TMEM131: variants seen among roughly 807,000 people sequenced by gnomAD.
TMEM131 encodes the protein transmembrane protein 131.
Under a neutral mutation model 211.6 loss-of-function variants are expected in TMEM131, and 66 were observed. That is an observed-to-expected ratio of 0.31 (90% CI 0.26 to 0.38). The LOEUF (loss-of-function observed/expected upper bound fraction) is 0.38. Ranked by LOEUF, TMEM131 falls within the 10% of genes least tolerant of loss-of-function variation. TMEM131 has a pLI of 1.00. For synonymous variants in TMEM131, 844 were observed against 841.3 expected (o/e 1.00, Z -0.06); for missense variants, 2,036 against 2,299.3 (o/e 0.89, Z 2.34).
intron 32 of TMEM131, among the ~76,000 whole-genome samples, chr2:97,775,228 CTGTGA>C (rs1679664007): frequency 1.3e-5 from 2 of 152,198 alleles, no homozygotes; most frequent in Non-Finnish European, 2.9e-5. Flanking sequence ...GCTCTTCCTG[CTGTGA>C]TAACAGCCCT....
rs766467482 is a variant in TMEM131, at chr2:97,811,247, A to C, written c.1864-15T>G. Reference sequence around the variant, plus strand: ...GCTAATGTTACCTGTAGATAGTAGAAATGGTATCATTCATTAGCCTTGTTA... The same window carrying C: ...GCTAATGTTACCTGTAGATAGTAGACATGGTATCATTCATTAGCCTTGTTA... On this transcript the variant is annotated splice_polypyrimidine_tract_variant and intron_variant, in intron 17 of 40. Coordinates refer to ENST00000186436, the MANE Select transcript of TMEM131 (RefSeq NM_015348.2). The C allele has an allele frequency of 1.3e-6, 2 of 1,593,414 alleles. No homozygotes were observed. The highest frequency in any genetic ancestry group is 1.7e-6 in the Non-Finnish European group (2 of 1,161,570).
rs70938545 is a variant in TMEM131 at position 97,943,031 on chromosome 2, GA to G, written c.188-15545del. ...AGAAAGAAAAGAAAAGAAAAGAAAA[GA>G]AAAGAAAAGAAAGAAAGAAAGAAAG... On this transcript the variant is annotated intron_variant, in intron 1 of 40. Transcript: ENST00000186436. Among the ~76,000 whole-genome samples the G allele has an allele frequency of 8.8e-3, 386 of 43,634 alleles. 1 individual carries two copies. The highest frequency in any genetic ancestry group is 0.013 in the East Asian group (20 of 1,576). The allele number at this position is 43,634 out of a possible 152,430, so 28.6% of individuals were successfully genotyped here.
intron 10 of TMEM131, among the ~76,000 whole-genome samples, chr2:97,833,960 G>GC (rs1559389007): frequency 6.6e-6 from 1 of 152,036 alleles, no homozygotes; most frequent in Non-Finnish European, 1.5e-5. Flanking sequence ...ATCATGCCCA[G>GC]CCCCCCAAAT....
chr2:97,944,888 A>G (rs1649667252), intron 1 of TMEM131, among the ~76,000 whole-genome samples: 1 of 152,208 alleles, frequency 6.6e-6, no homozygotes, highest in South Asian at 2.1e-4. Context: ...GCCACACTGG[A>G]AAACAGTTGG....
At position 97,762,119 on chromosome 2, in the gene TMEM131, G is replaced by GGTGTC; in HGVS notation, c.4800_4804dup (p.Pro1602ArgfsTer35). The GGTGTC allele has an allele frequency of 6.2e-7, 1 of 1,613,584 alleles. No homozygotes were observed. The highest frequency in any genetic ancestry group is 8.5e-7 in the Non-Finnish European group (1 of 1,179,678). On this transcript the variant is annotated frameshift_variant, in exon 36 of 41. Transcript: ENST00000186436. LOFTEE classifies it high-confidence loss of function. ...GGCAGCTGGGGGAGACGGGGAAGCA[G>GGTGTC]GTGTCGGTGAGGTCTGGCGTTGTTT...
At chr2:97,830,553 A>G (rs1682629021) in intron 11 of TMEM131, among the ~76,000 whole-genome samples, 1 of 152,188 alleles carries the variant, frequency 6.6e-6, no homozygotes. Context: ...AGCATTTAAC[A>G]TTGTATTTCT....
At chr2:97,900,744 C>G (rs1675820140) in intron 3 of TMEM131, among the ~76,000 whole-genome samples, 1 of 152,100 alleles carries the variant, frequency 6.6e-6, no homozygotes. Context: ...TATGAATTTG[C>G]TGGATCACAT....
chr2:97,979,846 C>T (rs944693761), intron 1 of TMEM131, among the ~76,000 whole-genome samples: 3 of 152,152 alleles, frequency 2.0e-5, no homozygotes, highest in Non-Finnish European at 2.9e-5. Context: ...CTGTTTGGTA[C>T]GAGAGGCCTA....
intron 1 of TMEM131, among the ~76,000 whole-genome samples, chr2:97,949,226 A>G (rs938326799): frequency 1.3e-5 from 2 of 152,240 alleles, no homozygotes; most frequent in African/African-American, 4.8e-5. Flanking sequence ...AAATCTAAAA[A>G]TAATCATGCT....
chr2:97,813,874 T>C (rs1681686470), intron 15 of TMEM131, 97 bp downstream of exon 15: 2 of 1,011,708 alleles, frequency 2.0e-6, no homozygotes, highest in Non-Finnish European at 1.4e-6. Flanking sequence ...AGAGCACAAA[T>C]AATGGCAAAC....
At chr2:97,857,704 G>C (rs910542581) in intron 5 of TMEM131, among the ~76,000 whole-genome samples, 9 of 152,094 alleles carry the variant, frequency 5.9e-5, no homozygotes, top group African/African-American at 1.7e-4. Flanking sequence ...GCCACTCACT[G>C]AAGTGTAATA....
intron 11 of TMEM131, among the ~76,000 whole-genome samples, chr2:97,823,617 C>CCA (rs2105017455): frequency 6.6e-6 from 1 of 152,180 alleles, no homozygotes; most frequent in East Asian, 1.9e-4. Flanking sequence ...GTATGGATGC[C>CCA]CACTGGGATC....
chr2:97,781,064 A>G (rs1355602515), intron 31 of TMEM131, among the ~76,000 whole-genome samples: 1 of 152,108 alleles, frequency 6.6e-6, no homozygotes, highest in Non-Finnish European at 1.5e-5. Flanking sequence ...AGGTCATGCA[A>G]TCATTCGGGT....
chr2:97,772,194 TA>T, intron 33 of TMEM131, 102 bp downstream of exon 33: 1 of 1,470,678 alleles, frequency 6.8e-7, no homozygotes. Context: ...TCAACTCCCC[TA>T]AAAGCCAACC....
At chr2:97,964,077 C>T (rs1260937561) in intron 1 of TMEM131, among the ~76,000 whole-genome samples, 1 of 152,174 alleles carries the variant, frequency 6.6e-6, no homozygotes, top group Non-Finnish European at 1.5e-5. Context: ...ATCAAGCATT[C>T]ACATTCCTGA....
chr2:97,778,628 T>C (rs1180165000), intron 31 of TMEM131, among the ~76,000 whole-genome samples: 1 of 152,212 alleles, frequency 6.6e-6, no homozygotes, highest in African/African-American at 2.4e-5. Flanking sequence ...TAACTCAATA[T>C]GCAGTCCTTC....
rs1253720067 is a variant in TMEM131, at chr2:97,933,651, AC to A, written c.188-6165del. Among the ~76,000 whole-genome samples the A allele has an allele frequency of 2.6e-5, 4 of 152,218 alleles. No individual in the cohort carries two copies. The East Asian group carries it at 7.7e-4, about 29-fold the overall frequency. Reference sequence around the variant, plus strand: ...AAAACTACAAAACTCATTAACTTAGACAAAAAAAAAATTACAAATTGAACCC... The same window carrying A: ...AAAACTACAAAACTCATTAACTTAGAAAAAAAAAAATTACAAATTGAACCC... On this transcript the variant is annotated intron_variant, in intron 1 of 40. Coordinates refer to ENST00000186436, the MANE Select transcript of TMEM131 (RefSeq NM_015348.2).
At chr2:97,809,157 GA>G (rs902221272) in intron 19 of TMEM131, among the ~76,000 whole-genome samples, 1 of 152,288 alleles carries the variant, frequency 6.6e-6, no homozygotes, top group African/African-American at 2.4e-5. Flanking sequence ...ATATTCCCAT[GA>G]ACTTAAGTGC....
At chr2:97,815,160 A>T in intron 13 of TMEM131, 39 bp downstream of exon 13, 1 of 1,130,532 alleles carries the variant, frequency 8.8e-7, no homozygotes, top group Non-Finnish European at 1.2e-6. Flanking sequence ...TTTACTGATT[A>T]GTAAAAAGTA....
Sources: allele counts gnomAD v4.1 joint callset (sites outside exome capture counted in the v4.1 genomes callset), GRCh38; gene constraint gnomAD v4.1.1; transcripts MANE v1.5; gene names NCBI Gene and HGNC (gene_info 2026-07-23, HGNC 2026-07-21).